Variants in GRM5 observed in about 807,000 individuals in gnomAD.
GRM5 encodes metabotropic glutamate receptor 5.
A neutral mutation model predicts 83.1 loss-of-function variants in GRM5; 19 were observed. The ratio of observed to expected loss-of-function variants is 0.23; its 90% confidence interval spans 0.16 to 0.34. The LOEUF is 0.34. GRM5 is among the 10% of genes least tolerant of loss of function. GRM5 has a pLI of 1.00. For synonymous variants in GRM5, 675 were observed against 633.6 expected (o/e 1.07, Z -0.98); for missense variants, 1,160 against 1,588.3 (o/e 0.73, Z 4.58).
At chr11:88,575,835 T>G (rs933376084) in intron 7 of GRM5, among the ~76,000 whole-genome samples, 4 of 151,798 alleles carry the variant, frequency 2.6e-5, no homozygotes, top group African/African-American at 9.7e-5. Flanking sequence ...CTTCAAGGTT[T>G]ATTACACATC....
intron 2 of GRM5, among the ~76,000 whole-genome samples, chr11:89,011,912 C>T (rs1337394526): frequency 2.6e-5 from 4 of 152,100 alleles, no homozygotes; most frequent in Non-Finnish European, 5.9e-5. Flanking sequence ...AAAATTTGAT[C>T]GTTTCACAGA....
intron 3 of GRM5, among the ~76,000 whole-genome samples, chr11:88,692,472 C>T (rs1489004718): frequency 1.3e-5 from 2 of 152,116 alleles, no homozygotes; most frequent in Non-Finnish European, 2.9e-5. Context: ...AATTCCAACC[C>T]CCCCACAGGC....
rs77950430 is a variant in GRM5 at position 88,596,546 on chromosome 11, T to G, written c.1563+638A>C. Among the ~76,000 whole-genome samples the G allele has an allele frequency of 1.0e-2, 1,521 of 152,268 alleles. 18 individuals carry two copies. The highest frequency in any genetic ancestry group is 0.074 in the East Asian group (384 of 5,192). ...TTGCACTCTAGATTATTCACTTGTT[T>G]CTGGACAGTCTTCAATTGACCACTT... On this transcript the variant is annotated intron_variant, in intron 6 of 9. Coordinates refer to ENST00000305447, the MANE Select transcript of GRM5 (RefSeq NM_001143831.3).
intron 3 of GRM5, among the ~76,000 whole-genome samples, chr11:88,663,210 C>T (rs1939951632): frequency 6.6e-6 from 1 of 152,140 alleles, no homozygotes; most frequent in African/African-American, 2.4e-5. Context: ...GTGGGGATTA[C>T]AGGAAATAAC....
intron 3 of GRM5, among the ~76,000 whole-genome samples, chr11:88,821,273 T>A (rs1449303142): frequency 6.6e-6 from 1 of 150,530 alleles, no homozygotes; most frequent in Non-Finnish European, 1.5e-5. Context: ...CCTCCTGTTT[T>A]CTATTAAAAG....
intron 3 of GRM5, among the ~76,000 whole-genome samples, chr11:88,667,265 AAGTC>A (rs1940069255): frequency 1.3e-5 from 2 of 152,162 alleles, no homozygotes; most frequent in Admixed American, 1.3e-4. Context: ...GAAAACATCT[AAGTC>A]AGATAATTAG....
intron 3 of GRM5, among the ~76,000 whole-genome samples, chr11:88,725,334 G>T (rs1043814663): frequency 3.9e-5 from 6 of 152,142 alleles, no homozygotes; most frequent in Non-Finnish European, 7.3e-5. Flanking sequence ...TGCCTCTCTA[G>T]ATTACTCCTC....
chr11:88,698,977 A>G lies in GRM5; in HGVS notation c.912-45574T>C, dbSNP rs560945718. ...CTGCTCTCTAGCTATATGGTCTCAG[A>G]TTATACAAGTGGTTACAACCTATGA... On this transcript the variant is annotated intron_variant, in intron 3 of 9. Transcript: ENST00000305447. 2.0e-5 allele frequency among the ~76,000 whole-genome samples: 3 copies of G among 152,308 alleles called. No homozygotes were observed. In the South Asian group the frequency reaches 6.2e-4, roughly 32 times the overall value.
chr11:88,957,101 A>C (rs1405945609), intron 2 of GRM5, among the ~76,000 whole-genome samples: 1 of 152,240 alleles, frequency 6.6e-6, no homozygotes, highest in East Asian at 1.9e-4. Flanking sequence ...AAAGGATGGG[A>C]CCTCATTCTG....
intron 2 of GRM5, among the ~76,000 whole-genome samples, chr11:88,869,315 G>A (rs979706492): frequency 6.6e-6 from 1 of 151,524 alleles, no homozygotes; most frequent in African/African-American, 2.4e-5. Flanking sequence ...ATGAAATTGT[G>A]TAGGTAGCTA....
At chr11:88,850,815 A>G (rs1223574792) in intron 2 of GRM5, among the ~76,000 whole-genome samples, 1 of 152,040 alleles carries the variant, frequency 6.6e-6, no homozygotes, top group Admixed American at 6.5e-5. Flanking sequence ...AAGGAAAAAA[A>G]GTTCAAAGTC....
rs1938097025 is a variant in GRM5 at position 88,604,854 on chromosome 11, G to A, written c.1258C>T (p.Pro420Ser). 1 of 1,613,660 alleles carries A rather than the reference G, an allele frequency of 6.2e-7. No individual in the cohort carries two copies. ...GCATCACAGAGTCCTGCATAGCCTG[G>A]GCAGAGGGACATCTGCATGTTGTGG... is the stretch of plus-strand genomic sequence containing the variant. ...GLHNMQMSLC[P>S]GYAGLCDAMK... The change falls in exon 5 of 10, where the codon CCA becomes TCA. Residue 420 changes from proline (P) to serine (S), a missense_variant. This residue lies in a region of GRM5 where 132 missense variants were observed against 197.6 expected (regional missense o/e 0.67). Coordinates refer to ENST00000305447, the MANE Select transcript of GRM5 (RefSeq NM_001143831.3).
chr11:88,664,532 C>T (rs376860399), intron 3 of GRM5, among the ~76,000 whole-genome samples: 9 of 152,074 alleles, frequency 5.9e-5, no homozygotes, highest in East Asian at 1.9e-4. Flanking sequence ...CTGCAACTTC[C>T]GCCTCCTGGG....
chr11:88,940,518 AAAAAT>A (rs1340904929), intron 2 of GRM5, among the ~76,000 whole-genome samples: 5 of 151,374 alleles, frequency 3.3e-5, no homozygotes, highest in African/African-American at 9.7e-5. Context: ...AATTAATATA[AAAAAT>A]AAAACTGAAA....
intron 3 of GRM5, among the ~76,000 whole-genome samples, chr11:88,806,254 A>C (rs545594628): frequency 6.6e-6 from 1 of 152,336 alleles, no homozygotes; most frequent in East Asian, 1.9e-4. Flanking sequence ...GAGAGCAAGA[A>C]AATGTCTGTT....
At chr11:88,665,781 TA>T (rs1565177958) in intron 3 of GRM5, among the ~76,000 whole-genome samples, 2 of 63,032 alleles carry the variant, frequency 3.2e-5, no homozygotes, top group Non-Finnish European at 1.5e-4. Context: ...AAAGGCTGAA[TA>T]TTTTTTTTTT....
intron 3 of GRM5, among the ~76,000 whole-genome samples, chr11:88,662,602 C>T (rs1437248941): frequency 2.0e-5 from 3 of 152,064 alleles, no homozygotes; most frequent in African/African-American, 4.8e-5. Context: ...AGGGATACTA[C>T]CCTCTATAAA....
At chr11:89,065,046 G>C (rs1417834317) in intron 1 of GRM5, among the ~76,000 whole-genome samples, 3 of 151,234 alleles carry the variant, frequency 2.0e-5, no homozygotes, top group African/African-American at 7.3e-5. Context: ...TAGGTCCAGA[G>C]CTGCAGGTGT....
intron 4 of GRM5, among the ~76,000 whole-genome samples, chr11:88,631,716 C>CT (rs1292192470): frequency 1.3e-5 from 2 of 152,104 alleles, no homozygotes; most frequent in Non-Finnish European, 2.9e-5. Flanking sequence ...ATCTGAGAGA[C>CT]TGGGAGAGAA....
Sources: gnomAD v4.1 joint callset for allele counts (sites outside exome capture counted in the v4.1 genomes callset) on GRCh38, gnomAD v4.1.1 for gene constraint, gnomAD v4.1.1 regional missense constraint, MANE v1.5 for transcripts, NCBI Gene and HGNC (gene_info 2026-07-23, HGNC 2026-07-21) for gene names.